The following AGAP1 variants were observed in gnomAD, a reference collection of about 807,000 sequenced individuals.
AGAP1 encodes ArfGAP with GTPase domain, ankyrin repeat and PH domain 1.
A neutral mutation model predicts 105.3 loss-of-function variants in AGAP1; 29 were observed. That is an observed-to-expected ratio of 0.28 (90% CI 0.21 to 0.38). AGAP1 has a LOEUF of 0.38. Ranked by LOEUF, AGAP1 falls within the 10% of genes least tolerant of loss-of-function variation. The pLI is 1.00. For missense variants in AGAP1, 998 were observed against 1,165.1 expected (o/e 0.86, Z 2.09); for synonymous variants, 509 against 485.9 (o/e 1.05, Z -0.63).
chr2:236,107,436 A>G (rs1032400619), intron 16 of AGAP1, among the ~76,000 whole-genome samples: 1 of 152,110 alleles, frequency 6.6e-6, no homozygotes, highest in African/African-American at 2.4e-5. Context: ...GCGCGCTTTC[A>G]TGATTCCTCA....
At chr2:235,695,580 G>C (rs917086192) in intron 1 of AGAP1, among the ~76,000 whole-genome samples, 1 of 152,164 alleles carries the variant, frequency 6.6e-6, no homozygotes, top group African/African-American at 2.4e-5. Flanking sequence ...CTTTTTTCAA[G>C]AACAGACAGC....
chr2:235,880,426 G>A (rs981990684), intron 9 of AGAP1, among the ~76,000 whole-genome samples: 3 of 152,070 alleles, frequency 2.0e-5, no homozygotes, highest in Non-Finnish European at 4.4e-5. Context: ...CCGTGGCCCT[G>A]GCATTGTTGA....
Position 236,095,722 on chromosome 2 carries a change from A to T in AGAP1, c.2115-24470A>T, listed in dbSNP as rs142749619. ...ATGCTGACAATGTAAAATTGTGGGA[A>T]AAAACTTTTAAAAATTTTGACATAT... On this transcript the variant is annotated intron_variant, in intron 16 of 17. Transcript: ENST00000304032. The surrounding 1 kb of genome is among the most constrained non-coding windows in gnomAD (Gnocchi z 4.1). 6.6e-6 allele frequency among the ~76,000 whole-genome samples: 1 copy of T among 152,308 alleles called. No homozygotes were observed. Among genetic ancestry groups the T allele is most frequent in the East Asian group, 1.9e-4 (1 of 5,182 alleles).
At chr2:236,071,527 G>A (rs1277852519) in intron 16 of AGAP1, among the ~76,000 whole-genome samples, 1 of 152,174 alleles carries the variant, frequency 6.6e-6, no homozygotes, top group African/African-American at 2.4e-5. Context: ...GGGGCCATGC[G>A]ATCTACAGAC....
At chr2:235,516,286 A>G (rs910157000) in intron 1 of AGAP1, among the ~76,000 whole-genome samples, 12 of 152,094 alleles carry the variant, frequency 7.9e-5, no homozygotes, top group Admixed American at 2.6e-4. Context: ...TCTGCTCCCC[A>G]GCCCCCAGAA....
At position 236,092,256 on chromosome 2, in the gene AGAP1, G is replaced by A. The variant is rs2059081198; in HGVS notation, c.2115-27936G>A. Among the ~76,000 whole-genome samples the A allele has an allele frequency of 6.6e-6, 1 of 152,202 alleles. No homozygotes were observed. ...ATACAAATGACCACAAGGAAAATCG[G>A]AAATGTGGACAAGCCAGGTGGGTTG... On this transcript the variant is annotated intron_variant, in intron 16 of 17. Transcript: ENST00000304032. This position sits in a 1 kb window ranked among gnomAD's most constrained non-coding sequence, Gnocchi z 4.7.
intron 1 of AGAP1, among the ~76,000 whole-genome samples, chr2:235,498,086 G>A (rs1021335999): frequency 6.6e-6 from 1 of 152,120 alleles, no homozygotes; most frequent in Non-Finnish European, 1.5e-5. Context: ...TTCAGAGCGC[G>A]TGGAGGTGGG....
intron 6 of AGAP1, among the ~76,000 whole-genome samples, chr2:235,785,213 T>TA (rs1956547968): frequency 6.6e-6 from 1 of 152,218 alleles, no homozygotes; most frequent in African/African-American, 2.4e-5. Context: ...TTGTGGTAGA[T>TA]ACATCCATTT....
In AGAP1 at chr2:235,958,481, C is replaced by T. The variant is rs2317007; in HGVS notation, c.1484-9981C>T. Among the ~76,000 whole-genome samples the T allele has an allele frequency of 2.0e-5, 3 of 151,880 alleles. No homozygotes were observed. The highest frequency in any genetic ancestry group is 2.0e-4 in the Admixed American group (3 of 15,258). ...GATATGAGAATCACAAGCACAGAGACTCATCTCTTGAATATCACCCGGGAT... is the reference window on the plus strand; with the variant it reads ...GATATGAGAATCACAAGCACAGAGATTCATCTCTTGAATATCACCCGGGAT... On this transcript the variant is annotated intron_variant, in intron 12 of 17. Transcript: ENST00000304032. This position sits in a 1 kb window ranked among gnomAD's most constrained non-coding sequence, Gnocchi z 4.1.
At chr2:236,091,503 G>T (rs1165226003) in intron 16 of AGAP1, among the ~76,000 whole-genome samples, 1 of 152,212 alleles carries the variant, frequency 6.6e-6, no homozygotes, top group East Asian at 1.9e-4. Flanking sequence ...GGGCGCGGTG[G>T]CTCACTCCTG....
rs146135194 is a variant in AGAP1, at chr2:235,743,368, C to T, written c.397-1330C>T. ...CGGCTCGGGAACTGAGGTCTGGTTC[C>T]GGGTCAGCCAGTACTCTTTATGGGC... On this transcript the variant is annotated intron_variant, in intron 4 of 17. Coordinates refer to ENST00000304032, the MANE Select transcript of AGAP1 (RefSeq NM_001037131.3). Among the ~76,000 whole-genome samples, 1,283 of 152,216 alleles carry T rather than the reference C, an allele frequency of 8.4e-3. 22 individuals are homozygous for T. Among genetic ancestry groups the T allele is most frequent in the African/African-American group, 0.03 (1,242 of 41,540 alleles).
rs372154687 is a variant in AGAP1 at position 235,959,642 on chromosome 2, G to A, written c.1484-8820G>A. 1.5e-4 allele frequency among the ~76,000 whole-genome samples: 23 copies of A among 151,988 alleles called. No homozygotes were observed. In the South Asian group the frequency reaches 3.8e-3, roughly 25 times the overall value. On this transcript the variant is annotated intron_variant, in intron 12 of 17. Coordinates refer to ENST00000304032, the MANE Select transcript of AGAP1 (RefSeq NM_001037131.3). This position sits in a 1 kb window ranked among gnomAD's most constrained non-coding sequence, Gnocchi z 7.3. ...CTGCCCGACTTCTGTCTCCTGCCAC[G>A]GCCCCCCTCAATTCACATCCTAATT...
intron 1 of AGAP1, among the ~76,000 whole-genome samples, chr2:235,681,794 T>C (rs1024657766): frequency 6.6e-6 from 1 of 151,990 alleles, no homozygotes; most frequent in African/African-American, 2.4e-5. Context: ...AATTTAACTG[T>C]TTTTCACGTG....
chr2:235,852,583 G>A, intron 9 of AGAP1: 2 of 1,135,286 alleles, frequency 1.8e-6, no homozygotes, highest in Non-Finnish European at 2.3e-6. Flanking sequence ...AATAGAGACT[G>A]CTGAAGTAAG....
In AGAP1 at chr2:235,879,358, A is replaced by T. The variant is rs1402078374; in HGVS notation, c.1051-3987A>T. ...CAAGTGGCTCTTGGTCGCCACAGCAATTCTTGGGGGGGTCAGATAATAAAC... is the reference window on the plus strand; with the variant it reads ...CAAGTGGCTCTTGGTCGCCACAGCATTTCTTGGGGGGGTCAGATAATAAAC... On this transcript the variant is annotated intron_variant, in intron 9 of 17. Coordinates refer to ENST00000304032, the MANE Select transcript of AGAP1 (RefSeq NM_001037131.3). The surrounding 1 kb of genome is among the most constrained non-coding windows in gnomAD (Gnocchi z 5.0). Among the ~76,000 whole-genome samples the T allele has an allele frequency of 6.6e-6, 1 of 152,196 alleles. No individual in the cohort carries two copies. The highest frequency in any genetic ancestry group is 1.5e-5 in the Non-Finnish European group (1 of 68,032).
rs1266723958 is a variant in AGAP1, at chr2:235,566,783, T to C, written c.163+71934T>C. Among the ~76,000 whole-genome samples, 2 of 152,220 alleles carry C rather than the reference T, an allele frequency of 1.3e-5. No homozygotes were observed. Among genetic ancestry groups the C allele is most frequent in the South Asian group, 4.1e-4 (2 of 4,834 alleles). On this transcript the variant is annotated intron_variant, in intron 1 of 17. Coordinates refer to ENST00000304032, the MANE Select transcript of AGAP1 (RefSeq NM_001037131.3). This position sits in a 1 kb window ranked among gnomAD's most constrained non-coding sequence, Gnocchi z 5.2. ...TGAAGGGGGCCCCGTGTTAGTTTCC[T>C]GTGGCTGCCGTAACAGCCACAAACT...
rs746724633 is a variant in AGAP1, at chr2:235,750,967, G to A, written c.673+479G>A. The stretch of plus-strand genomic sequence containing the variant: ...CACCAAAAAAATAATAAAATGACAC[G>A]ATACCACTCACAGCAGAGGGTGAGG... On this transcript the variant is annotated intron_variant, in intron 6 of 17. Transcript: ENST00000304032. The surrounding 1 kb of genome is among the most constrained non-coding windows in gnomAD (Gnocchi z 5.3). 6.6e-6 allele frequency among the ~76,000 whole-genome samples: 1 copy of A among 152,086 alleles called. No individual in the cohort carries two copies. Among genetic ancestry groups the A allele is most frequent in the Admixed American group, 6.6e-5 (1 of 15,264 alleles).
At position 235,769,010 on chromosome 2, in the gene AGAP1, A is replaced by G. The variant is rs1042748111; in HGVS notation, c.673+18522A>G. ...ATATTCCAATAATTATACCAACTGTACTAAAGATCCCAGTACTCGAGTAAT... is the reference window on the plus strand; with the variant it reads ...ATATTCCAATAATTATACCAACTGTGCTAAAGATCCCAGTACTCGAGTAAT... On this transcript the variant is annotated intron_variant, in intron 6 of 17. Coordinates refer to ENST00000304032, the MANE Select transcript of AGAP1 (RefSeq NM_001037131.3). This position sits in a 1 kb window ranked among gnomAD's most constrained non-coding sequence, Gnocchi z 4.4. 6.6e-6 allele frequency among the ~76,000 whole-genome samples: 1 copy of G among 152,266 alleles called. No homozygotes were observed. The highest frequency in any genetic ancestry group is 2.4e-5 in the African/African-American group (1 of 41,474).
intron 16 of AGAP1, among the ~76,000 whole-genome samples, chr2:236,103,422 G>A (rs2059407611): frequency 1.3e-5 from 2 of 151,996 alleles, no homozygotes; most frequent in South Asian, 4.1e-4. Flanking sequence ...TGACCCTGCT[G>A]GGCCACTCCC....
Sources: gnomAD v4.1 joint callset for allele counts (sites outside exome capture counted in the v4.1 genomes callset) on GRCh38, gnomAD v4.1.1 for gene constraint, Gnocchi (gnomAD v3.1) non-coding constraint, MANE v1.5 for transcripts, NCBI Gene and HGNC (gene_info 2026-07-23, HGNC 2026-07-21) for gene names.